SUPT3H: variants seen among roughly 807,000 people sequenced by gnomAD.
SUPT3H encodes SPT3 homolog, SAGA and STAGA complex component, also known as transcription initiation protein SPT3 homolog.
SUPT3H carries 44 observed loss-of-function variants against 44.3 expected under a neutral mutation model. That is an observed-to-expected ratio of 0.99 (90% CI 0.78 to 1.28). The LOEUF (loss-of-function observed/expected upper bound fraction) is 1.28, where lower values mean the gene tolerates loss of function less well. Among genes scored for constraint, SUPT3H ranks in the 50% most tolerant of loss-of-function variants. The pLI, the probability that SUPT3H is intolerant of heterozygous loss-of-function variation, is 0.00. For missense variants in SUPT3H, 380 were observed against 387.1 expected, an observed-to-expected ratio of 0.98 and a Z score of 0.15; for synonymous variants, 124 against 125.6, an observed-to-expected ratio of 0.99 and a Z score of 0.09.
chr6:44,958,963 C>A (rs972832125), intron 7 of SUPT3H, among the ~76,000 whole-genome samples: 38 of 150,174 alleles, frequency 2.5e-4, no homozygotes, highest in African/African-American at 8.8e-4. Flanking sequence ...GCAACCTCCA[C>A]CTCCCGGGTT....
chr6:45,108,589 A>C (rs186622062), intron 2 of SUPT3H, among the ~76,000 whole-genome samples: 2 of 152,260 alleles, frequency 1.3e-5, no homozygotes, highest in East Asian at 3.9e-4. Context: ...AAGAAAACCT[A>C]CATAATCATT....
intron 2 of SUPT3H, among the ~76,000 whole-genome samples, chr6:45,223,734 A>C (rs1203701162): frequency 6.6e-6 from 1 of 151,736 alleles, no homozygotes; most frequent in African/African-American, 2.4e-5. Context: ...TTTAAATTTA[A>C]CTTCAAGGAT....
chr6:45,113,827 C>CCA (rs1554253172), intron 2 of SUPT3H, among the ~76,000 whole-genome samples: 1 of 112,794 alleles, frequency 8.9e-6, no homozygotes, highest in East Asian at 2.5e-4. Context: ...AAGACTCCAT[C>CCA]AAAAAAAAAA....
At chr6:45,284,424 C>T (rs1469261237) in intron 2 of SUPT3H, among the ~76,000 whole-genome samples, 1 of 152,232 alleles carries the variant, frequency 6.6e-6, no homozygotes. Flanking sequence ...CACCACTGAT[C>T]CCACAGAAAT....
chr6:45,175,786 TAA>T (rs1355878319), intron 2 of SUPT3H, among the ~76,000 whole-genome samples: 2 of 152,164 alleles, frequency 1.3e-5, no homozygotes, highest in East Asian at 3.9e-4. Context: ...AGAATTTGGA[TAA>T]ATTATACTAA....
At chr6:45,299,029 A>G (rs980327760) in intron 2 of SUPT3H, among the ~76,000 whole-genome samples, 1 of 152,172 alleles carries the variant, frequency 6.6e-6, no homozygotes, top group South Asian at 2.1e-4. Flanking sequence ...AAAAACATCA[A>G]AATAAATTAA....
chr6:44,960,061 G>T (rs903959985), intron 7 of SUPT3H, among the ~76,000 whole-genome samples: 1 of 151,940 alleles, frequency 6.6e-6, no homozygotes, highest in Non-Finnish European at 1.5e-5. Context: ...CTAAAGAAAA[G>T]AAAATTAAAC....
intron 10 of SUPT3H, among the ~76,000 whole-genome samples, chr6:44,927,649 G>A (rs1005532992): frequency 2.0e-5 from 3 of 151,968 alleles, no homozygotes; most frequent in African/African-American, 7.3e-5. Context: ...CAGTTGCTAA[G>A]ACTTATTTAT....
At chr6:45,221,386 A>G (rs764241693) in intron 2 of SUPT3H, among the ~76,000 whole-genome samples, 89 of 146,830 alleles carry the variant, frequency 6.1e-4, no homozygotes, top group Non-Finnish European at 1.3e-3. Context: ...ATATAATAAT[A>G]AGAGTGAAAT....
chr6:45,157,114 A>G (rs1373352667), intron 2 of SUPT3H, among the ~76,000 whole-genome samples: 2 of 152,286 alleles, frequency 1.3e-5, no homozygotes, highest in East Asian at 1.9e-4. Flanking sequence ...AAATCTTCCC[A>G]TCCTTTTTTT....
At chr6:45,209,134 C>A (rs1166004381) in intron 2 of SUPT3H, among the ~76,000 whole-genome samples, 1 of 152,158 alleles carries the variant, frequency 6.6e-6, no homozygotes, top group Non-Finnish European at 1.5e-5. Context: ...TGCTCATTGA[C>A]AATGTACCTG....
chr6:45,225,890 A>C (rs897498907), intron 2 of SUPT3H, among the ~76,000 whole-genome samples: 10 of 152,146 alleles, frequency 6.6e-5, no homozygotes, highest in Admixed American at 1.3e-4. Context: ...AAAATACACC[A>C]CTAAAACATT....
chr6:45,313,219 G>A (rs1480517724), intron 2 of SUPT3H, among the ~76,000 whole-genome samples: 6 of 151,944 alleles, frequency 3.9e-5, no homozygotes, highest in Admixed American at 2.0e-4. Flanking sequence ...CTAAAGTCAC[G>A]CCTCAGGGAA....
In SUPT3H at chr6:45,003,752, C is replaced by CT. The variant is rs1438750645; in HGVS notation, c.404dup (p.Ile136AspfsTer10). Reference sequence around the variant, plus strand: ...TAGAGTTGAGGAAGTCCTGAGCAATCTTTTGTCTTTTGTTCGCATTATTGC... The same window carrying CT: ...TAGAGTTGAGGAAGTCCTGAGCAATCTTTTTGTCTTTTGTTCGCATTATTGC... On this transcript the variant is annotated frameshift_variant, in exon 6 of 11. Coordinates refer to ENST00000371459, the MANE Select transcript of SUPT3H (RefSeq NM_003599.4). LOFTEE classifies it high-confidence loss of function. 6.2e-7 allele frequency: 1 copy of CT among 1,613,692 alleles called. No individual in the cohort carries two copies. Among genetic ancestry groups the CT allele is most frequent in the Admixed American group, 1.7e-5 (1 of 59,946 alleles).
intron 2 of SUPT3H, among the ~76,000 whole-genome samples, chr6:45,229,432 T>C (rs1767549580): frequency 6.6e-6 from 1 of 152,170 alleles, no homozygotes; most frequent in African/African-American, 2.4e-5. Context: ...GTATGAGCCA[T>C]GTATTCTACT....
intron 2 of SUPT3H, among the ~76,000 whole-genome samples, chr6:45,303,225 C>T (rs543744917): frequency 6.6e-6 from 1 of 152,130 alleles, no homozygotes; most frequent in South Asian, 2.1e-4. Flanking sequence ...ACTTCATGAC[C>T]AAGAACCCAA....
chr6:45,287,766 T>C (rs1299516074), intron 2 of SUPT3H, among the ~76,000 whole-genome samples: 4 of 152,230 alleles, frequency 2.6e-5, no homozygotes, highest in Non-Finnish European at 5.9e-5. Flanking sequence ...GTAAATTTAA[T>C]GTATCACTAC....
At chr6:45,294,733 C>CAAAAA (rs56281990) in intron 2 of SUPT3H, among the ~76,000 whole-genome samples, 28 of 36,202 alleles carry the variant, frequency 7.7e-4, no homozygotes, top group Admixed American at 1.1e-3. Flanking sequence ...ACAATAGCTG[C>CAAAAA]AAAAAAAAAA....
chr6:44,916,134 TCCACA>T (rs1767768853), intron 10 of SUPT3H, among the ~76,000 whole-genome samples: 1 of 152,236 alleles, frequency 6.6e-6, no homozygotes, highest in African/African-American at 2.4e-5. Flanking sequence ...TGACAATGAC[TCCACA>T]CTAGTAGAAG....
Sources: allele counts gnomAD v4.1 joint callset (sites outside exome capture counted in the v4.1 genomes callset), GRCh38; gene constraint gnomAD v4.1.1; transcripts MANE v1.5; gene names NCBI Gene and HGNC (gene_info 2026-07-23, HGNC 2026-07-21).